Variants in PCDHGA6 observed in about 807,000 individuals in gnomAD.
PCDHGA6 encodes the protein protocadherin gamma subfamily A, 6.
Under a neutral mutation model 60.6 loss-of-function variants are expected in PCDHGA6, and 41 were observed. The observed-to-expected ratio is 0.68, with a 90% CI of 0.53 to 0.88. The LOEUF (loss-of-function observed/expected upper bound fraction) is 0.88, where lower values mean the gene tolerates loss of function less well. Ranked by LOEUF, PCDHGA6 falls within the 40% of genes least tolerant of loss-of-function variation. The pLI, the probability that PCDHGA6 is intolerant of heterozygous loss-of-function variation, is 0.00. For synonymous variants in PCDHGA6, 594 were observed against 524.4 expected, an observed-to-expected ratio of 1.13 and a Z score of -1.81; for missense variants, 1,312 against 1,203.0, an observed-to-expected ratio of 1.09 and a Z score of -1.34.
chr5:141,397,287 G>A (rs2093504712), intron 1 of PCDHGA6, among the ~76,000 whole-genome samples: 1 of 152,134 alleles, frequency 6.6e-6, no homozygotes, highest in Admixed American at 6.5e-5. Flanking sequence ...CAGTATACTT[G>A]AATGAATATT....
intron 1 of PCDHGA6, among the ~76,000 whole-genome samples, chr5:141,453,310 T>C (rs566320120): frequency 6.6e-6 from 1 of 152,044 alleles, no homozygotes; most frequent in South Asian, 2.1e-4. Context: ...TTTATTTATT[T>C]ATTTTAGAGA....
Position 141,373,939 on chromosome 5 carries a change from G to A in PCDHGA6, c.-145G>A. On this transcript the variant is annotated 5_prime_UTR_variant, in exon 1 of 4. Coordinates refer to ENST00000517434, the MANE Select transcript of PCDHGA6 (RefSeq NM_018919.3). ...GCAAATTAGACGGGAAAGCAGGAAA[G>A]CTGTGCAGAAATTCTGACCTGAAAC... is the stretch of plus-strand genomic sequence containing the variant. 2 of 714,100 alleles carry A rather than the reference G, an allele frequency of 2.8e-6. No individual in the cohort carries two copies. Among genetic ancestry groups the A allele is most frequent in the Non-Finnish European group, 2.1e-6 (1 of 469,282 alleles). 44.2% of individuals were successfully genotyped at this position (714,100 alleles called of 1,614,324 possible).
Position 141,464,802 on chromosome 5 carries a change from A to G in PCDHGA6, c.2425-30005A>G, listed in dbSNP as rs545738780. ...TGCCCAGGCCAAATTGCAGTGATGC[A>G]GTCATAGCTCACTGTAGCCTCGCAC... On this transcript the variant is annotated intron_variant, in intron 1 of 3. Transcript: ENST00000517434. Among the ~76,000 whole-genome samples, 25 of 152,032 alleles carry G rather than the reference A, an allele frequency of 1.6e-4. No homozygotes were observed. In the East Asian group the frequency reaches 4.8e-3, roughly 29 times the overall value.
chr5:141,459,289 A>G (rs2098965378), intron 1 of PCDHGA6, among the ~76,000 whole-genome samples: 1 of 152,216 alleles, frequency 6.6e-6, no homozygotes, highest in Non-Finnish European at 1.5e-5. Flanking sequence ...ATCTAAATGG[A>G]ATCCTATAAC....
At chr5:141,389,359 G>C (rs768908018) in intron 1 of PCDHGA6, 99 of 1,613,770 alleles carry the variant, frequency 6.1e-5, no homozygotes, top group Non-Finnish European at 8.2e-5. Context: ...ATCATGGCCA[G>C]TGACCTGGAG....
chr5:141,403,161 G>A (rs1435695987), intron 1 of PCDHGA6: 12 of 1,614,026 alleles, frequency 7.4e-6, no homozygotes, highest in Non-Finnish European at 1.0e-5. Context: ...GTCTCTAGAG[G>A]TAGGACGCAG....
chr5:141,422,853 C>T (rs746989617), intron 1 of PCDHGA6: 8 of 1,614,264 alleles, frequency 5.0e-6, no homozygotes, highest in South Asian at 3.3e-5. Flanking sequence ...GGGACCCGCC[C>T]CTCAGCAGCA....
chr5:141,408,667 C>T, intron 1 of PCDHGA6: 1 of 1,613,954 alleles, frequency 6.2e-7, no homozygotes, highest in Non-Finnish European at 8.5e-7. Flanking sequence ...TATCGCTTGA[C>T]CCTGCCACGG....
Position 141,431,135 on chromosome 5 carries a change from A to G in PCDHGA6, c.2424+54628A>G, listed in dbSNP as rs140069213. The G allele has an allele frequency of 1.5e-5, 24 of 1,614,266 alleles. No homozygotes were observed. In the African/African-American group the frequency reaches 3.1e-4, roughly 21 times the overall value. Reference sequence around the variant, plus strand: ...TGGAGTAGAAGTAGAAGTAAGGGACATTAACGACAATGCGCCTTACTTTCG... The same window carrying G: ...TGGAGTAGAAGTAGAAGTAAGGGACGTTAACGACAATGCGCCTTACTTTCG... On this transcript the variant is annotated intron_variant, in intron 1 of 3. Transcript: ENST00000517434. This position sits in a 1 kb window ranked among gnomAD's most constrained non-coding sequence, Gnocchi z 4.8.
rs919100488 is a variant in PCDHGA6 at position 141,511,573 on chromosome 5, G to A, written c.*400G>A. On this transcript the variant is annotated 3_prime_UTR_variant, in exon 4 of 4. Transcript: ENST00000517434. ...ACAGTTCCTCTTTCCCGAGTAAGGT[G>A]GTTGGGGTGTTGAAGTACCAAGTAA... 1.1e-4 allele frequency: 33 copies of A among 288,248 alleles called. No individual in the cohort carries two copies. Among genetic ancestry groups the A allele is most frequent in the African/African-American group, 7.1e-4 (33 of 46,356 alleles). The allele number at this position is 288,248 out of a possible 1,614,324, so 17.9% of individuals were successfully genotyped here.
At chr5:141,420,713 G>T (rs1406572601) in intron 1 of PCDHGA6, among the ~76,000 whole-genome samples, 1 of 152,078 alleles carries the variant, frequency 6.6e-6, no homozygotes, top group African/African-American at 2.4e-5. Flanking sequence ...CAGAAATGTC[G>T]TTCCTTTCAG....
chr5:141,478,856 T>G (rs1372487685), intron 1 of PCDHGA6: 2 of 1,353,224 alleles, frequency 1.5e-6, no homozygotes, highest in Non-Finnish European at 2.0e-6. Flanking sequence ...AAACACAAGA[T>G]CTCAGCGATC....
chr5:141,448,211 T>TA (rs2098575794), intron 1 of PCDHGA6, among the ~76,000 whole-genome samples: 1 of 152,212 alleles, frequency 6.6e-6, no homozygotes, highest in East Asian at 1.9e-4. Flanking sequence ...TTTCTGTGTG[T>TA]ATGCGAATGT....
At chr5:141,452,380 G>A (rs1003689226) in intron 1 of PCDHGA6, among the ~76,000 whole-genome samples, 2 of 152,192 alleles carry the variant, frequency 1.3e-5, no homozygotes, top group Admixed American at 1.3e-4. Context: ...GTAGGGAATA[G>A]TATTTAGAAA....
intron 3 of PCDHGA6, among the ~76,000 whole-genome samples, chr5:141,506,138 G>T (rs983643755): frequency 6.6e-6 from 1 of 152,134 alleles, no homozygotes; most frequent in African/African-American, 2.4e-5. Flanking sequence ...AGGAGAAGAA[G>T]AATATCATTT....
At position 141,455,354 on chromosome 5, in the gene PCDHGA6, T is replaced by C. The variant is rs185319743; in HGVS notation, c.2425-39453T>C. ...TGGTTTTAAGGAGCGGAGAGTTTAA[T>C]AGGCAAGAAGGAAGGGAGAAGACAG... On this transcript the variant is annotated intron_variant, in intron 1 of 3. Coordinates refer to ENST00000517434, the MANE Select transcript of PCDHGA6 (RefSeq NM_018919.3). Among the ~76,000 whole-genome samples the C allele has an allele frequency of 1.7e-3, 263 of 152,180 alleles. 2 individuals are homozygous for C. The highest frequency in any genetic ancestry group is 3.0e-3 in the Non-Finnish European group (207 of 68,010).
In PCDHGA6 at chr5:141,490,081, T is replaced by A; in HGVS notation, c.2425-4726T>A. Reference sequence around the variant, plus strand: ...CACCAACGGCCAACTAGACTATTCTTTTGGAGACCACACATCTGAGGCAGT... The same window carrying A: ...CACCAACGGCCAACTAGACTATTCTATTGGAGACCACACATCTGAGGCAGT... On this transcript the variant is annotated intron_variant, in intron 1 of 3. Coordinates refer to ENST00000517434, the MANE Select transcript of PCDHGA6 (RefSeq NM_018919.3). The surrounding 1 kb of genome is among the most constrained non-coding windows in gnomAD (Gnocchi z 5.4). 3 of 1,614,216 alleles carry A rather than the reference T, an allele frequency of 1.9e-6. No homozygotes were observed. Among genetic ancestry groups the A allele is most frequent in the Non-Finnish European group, 2.5e-6 (3 of 1,180,040 alleles).
At chr5:141,468,965 T>C (rs2099187692) in intron 1 of PCDHGA6, among the ~76,000 whole-genome samples, 1 of 151,738 alleles carries the variant, frequency 6.6e-6, no homozygotes, top group Admixed American at 6.6e-5. Context: ...TTTTTTACCT[T>C]AGGCTTTTGA....
chr5:141,501,290 T>TACACATAC (rs1224133816), intron 2 of PCDHGA6, among the ~76,000 whole-genome samples: 1,510 of 136,196 alleles, frequency 0.011, 8 homozygotes, highest in Admixed American at 0.014. Flanking sequence ...TATTCCCTTA[T>TACACATAC]ACACACACAC....
Sources: gnomAD v4.1 joint callset for allele counts (sites outside exome capture counted in the v4.1 genomes callset) on GRCh38, gnomAD v4.1.1 for gene constraint, Gnocchi (gnomAD v3.1) non-coding constraint, MANE v1.5 for transcripts, NCBI Gene and HGNC (gene_info 2026-07-23, HGNC 2026-07-21) for gene names.